CDK5RAP3: variants seen among roughly 807,000 people sequenced by gnomAD.
CDK5RAP3 encodes the protein CDK5 regulatory subunit associated protein 3.
CDK5RAP3 carries 58 observed loss-of-function variants against 73.3 expected under a neutral mutation model. The observed-to-expected ratio is 0.79, with a 90% CI of 0.64 to 0.98. The LOEUF is 0.98. Among genes scored for constraint, CDK5RAP3 ranks in the 50% least tolerant of loss-of-function variants. The pLI is 0.00. For synonymous variants in CDK5RAP3, 224 were observed against 247.5 expected, an observed-to-expected ratio of 0.91 and a Z score of 0.89; for missense variants, 525 against 615.8, an observed-to-expected ratio of 0.85 and a Z score of 1.56.
At chr17:47,968,974 A>T (rs2144202119), upstream of CDK5RAP3, among the ~76,000 whole-genome samples, 1 of 152,184 alleles carries the variant, frequency 6.6e-6, no homozygotes, top group South Asian at 2.1e-4. Flanking sequence ...TCATATAGGG[A>T]GAGTTTACAA....
At chr17:47,981,371 T>TC in intron 13 of CDK5RAP3, 37 bp downstream of exon 13, 1 of 1,614,156 alleles carries the variant, frequency 6.2e-7, no homozygotes, top group Non-Finnish European at 8.5e-7. Context: ...GTGGGAGGAC[T>TC]CCCAGTCTGT....
chr17:47,969,824 G>T (rs1472259241), upstream of CDK5RAP3, among the ~76,000 whole-genome samples: 1 of 152,120 alleles, frequency 6.6e-6, no homozygotes, highest in Non-Finnish European at 1.5e-5. Flanking sequence ...GGGTCTCCCA[G>T]CATTGCCAGA....
At chr17:47,972,215 T>C (rs2036287714) in intron 2 of CDK5RAP3, among the ~76,000 whole-genome samples, 1 of 152,206 alleles carries the variant, frequency 6.6e-6, no homozygotes, top group Non-Finnish European at 1.5e-5. Flanking sequence ...CCAGGTTGTC[T>C]GTATGGGGCT....
rs750005787 is a variant in CDK5RAP3, at chr17:47,975,828, C to T, written c.654-41C>T. 92 of 1,612,822 alleles carry T rather than the reference C, an allele frequency of 5.7e-5. 1 individual carries two copies. The highest frequency in any genetic ancestry group is 5.0e-4 in the Middle Eastern group (3 of 6,042). ...AGGCCAAAGCCCAGTGTTGGCCTTA[C>T]GCATGGTCGGCAGGAGAGTCAGTTG... On this transcript the variant is annotated intron_variant, in intron 7 of 13. Coordinates refer to ENST00000338399, the MANE Select transcript of CDK5RAP3 (RefSeq NM_176096.3).
chr17:47,973,813 G>C (rs1446292529), intron 3 of CDK5RAP3, 118 bp from the exon 4 acceptor site: 1 of 1,218,286 alleles, frequency 8.2e-7, no homozygotes, highest in East Asian at 2.3e-5. Context: ...AATGATTTAG[G>C]GAAAAGCTAC....
rs1264759392 is a variant in CDK5RAP3 at position 47,971,142 on chromosome 17, GAA to G, written c.-3_-2del. ...TCTCCAGCCTGAAGCGGAAGTGGAG[GAA>G]AGATGGAGGTGTGGGGACAGGAGCT... On this transcript the variant is annotated 5_prime_UTR_variant, in exon 1 of 14. Transcript: ENST00000338399. The G allele has an allele frequency of 6.4e-7, 1 of 1,550,462 alleles. No homozygotes were observed. The highest frequency in any genetic ancestry group is 1.4e-5 in the African/African-American group (1 of 73,090).
At chr17:47,973,397 C>T in intron 2 of CDK5RAP3, 122 bp from the exon 3 acceptor site, 1 of 1,105,164 alleles carries the variant, frequency 9.0e-7, no homozygotes, top group East Asian at 2.6e-5. Flanking sequence ...TTCCCATGAC[C>T]CCCATACTTT....
intron 4 of CDK5RAP3, 66 bp from the exon 5 acceptor site, chr17:47,974,334 G>T: frequency 2.2e-6 from 3 of 1,334,606 alleles, no homozygotes; most frequent in Admixed American, 3.4e-5. Context: ...CCTGTTTAGG[G>T]ATTGAGCTGG....
chr17:47,971,649 G>A (rs2036271482), intron 2 of CDK5RAP3, among the ~76,000 whole-genome samples: 1 of 152,130 alleles, frequency 6.6e-6, no homozygotes, highest in Non-Finnish European at 1.5e-5. Context: ...TATCATTCAG[G>A]GACAGGATAA....
At position 47,975,352 on chromosome 17, in the gene CDK5RAP3, C is replaced by G; in HGVS notation, c.513+15C>G. ...ATGGCATCACGGTGAGCGGCGGCAG[C>G]CTCTTCGCAGCCAGAGGACACCTGG... is the stretch of plus-strand genomic sequence containing the variant. On this transcript the variant is annotated intron_variant, in intron 6 of 13. Transcript: ENST00000338399. 6.2e-7 allele frequency: 1 copy of G among 1,612,490 alleles called. No individual in the cohort carries two copies. The highest frequency in any genetic ancestry group is 1.1e-5 in the South Asian group (1 of 91,040).
At position 47,981,375 on chromosome 17, in the gene CDK5RAP3, A is replaced by C. The variant is rs755651814; in HGVS notation, c.1455+41A>C. On this transcript the variant is annotated intron_variant, in intron 13 of 13. Coordinates refer to ENST00000338399, the MANE Select transcript of CDK5RAP3 (RefSeq NM_176096.3). Reference sequence around the variant, plus strand: ...GAGGCCTGCCAGTGGGAGGACTCCCAGTCTGTGCAAAATGAGGCCCTGAGC... The same window carrying C: ...GAGGCCTGCCAGTGGGAGGACTCCCCGTCTGTGCAAAATGAGGCCCTGAGC... 5.0e-5 allele frequency: 81 copies of C among 1,614,064 alleles called. 1 individual carries two copies. The Admixed American group carries it at 1.1e-3, about 23-fold the overall frequency.
upstream of CDK5RAP3, among the ~76,000 whole-genome samples, chr17:47,969,211 C>A (rs555449783): frequency 6.6e-6 from 1 of 152,142 alleles, no homozygotes; most frequent in South Asian, 2.1e-4. Context: ...ATTTACTAAG[C>A]CTCAAGTGTT....
chr17:47,969,069 G>A (rs1476964650), upstream of CDK5RAP3, among the ~76,000 whole-genome samples: 2 of 152,192 alleles, frequency 1.3e-5, no homozygotes, highest in African/African-American at 2.4e-5. Flanking sequence ...GAAATACCCT[G>A]AGATAGGATA....
intron 7 of CDK5RAP3, 56 bp from the exon 8 acceptor site, chr17:47,975,813 C>G: frequency 6.2e-7 from 1 of 1,610,434 alleles, no homozygotes; most frequent in East Asian, 2.2e-5. Context: ...AGGCCAAAGC[C>G]CAGTGTTGGC....
Position 47,975,220 on chromosome 17 carries a change from G to A in CDK5RAP3, c.396G>A (p.Gln132=), listed in dbSNP as rs1453514553. Residue 132 remains glutamine, a synonymous_variant, in exon 6 of 14, where the codon CAG becomes CAA. Coordinates refer to ENST00000338399, the MANE Select transcript of CDK5RAP3 (RefSeq NM_176096.3). ...ATGAGATCCCCTCACTGAAGAAGCA[G>A]ATTGCCAAGTGCCAGCAGCTGCAGC... ...VNYEIPSLKK[Q]IAKCQQLQQE... is the part of the protein sequence containing the mutation. 1.2e-6 allele frequency: 2 copies of A among 1,614,204 alleles called. No individual in the cohort carries two copies. The highest frequency in any genetic ancestry group is 2.2e-5 in the South Asian group (2 of 91,080).
At position 47,977,857 on chromosome 17, in the gene CDK5RAP3, G is replaced by A. The variant is rs2036452917; in HGVS notation, c.935G>A (p.Trp312Ter). Residue 312 changes from tryptophan to a stop codon, truncating the protein, a stop_gained, in exon 10 of 14, where the codon TGG (tryptophan) becomes TAG (stop). Coordinates refer to ENST00000338399, the MANE Select transcript of CDK5RAP3 (RefSeq NM_176096.3). LOFTEE classifies it high-confidence loss of function. ...SKDPGGDGID[W>*]GDDAVALQIT... ...GATCCTGGAGGTGATGGGATAGACTGGGGAGACGATGCTGTTGCTTTGCAG... is the reference window on the plus strand; with the variant it reads ...GATCCTGGAGGTGATGGGATAGACTAGGGAGACGATGCTGTTGCTTTGCAG... The A allele has an allele frequency of 6.2e-7, 1 of 1,613,884 alleles. No individual in the cohort carries two copies. Among genetic ancestry groups the A allele is most frequent in the Non-Finnish European group, 8.5e-7 (1 of 1,179,936 alleles).
chr17:47,968,955 TATG>T (rs1280622301), upstream of CDK5RAP3, among the ~76,000 whole-genome samples: 3 of 152,072 alleles, frequency 2.0e-5, no homozygotes, highest in South Asian at 2.1e-4. Context: ...CTGGCCCATA[TATG>T]ATATTTCATA....
intron 9 of CDK5RAP3, among the ~76,000 whole-genome samples, chr17:47,977,059 C>T (rs1432437648): frequency 7.3e-5 from 11 of 150,062 alleles, no homozygotes; most frequent in Non-Finnish European, 1.0e-4. Context: ...CTGCAACTTC[C>T]GCCTCCCAGG....
upstream of CDK5RAP3, among the ~76,000 whole-genome samples, chr17:47,969,734 A>G (rs1334468968): frequency 6.6e-6 from 1 of 152,016 alleles, no homozygotes; most frequent in Non-Finnish European, 1.5e-5. Context: ...GTGACTCTCC[A>G]AGCTGTATCT....
Sources: allele counts gnomAD v4.1 joint callset (sites outside exome capture counted in the v4.1 genomes callset), GRCh38; gene constraint gnomAD v4.1.1; transcripts MANE v1.5; gene names NCBI Gene and HGNC (gene_info 2026-07-23, HGNC 2026-07-21).